GOLGA7: variants seen among roughly 807,000 people sequenced by gnomAD.
GOLGA7 encodes the protein golgin A7.
GOLGA7 carries 10 observed loss-of-function variants against 21.1 expected under a neutral mutation model. The observed-to-expected ratio is 0.47, with a 90% confidence interval of 0.29 to 0.80. GOLGA7 has a LOEUF of 0.80. Ranked by LOEUF, GOLGA7 falls within the 30% of genes least tolerant of loss-of-function variation. The pLI, the probability that GOLGA7 is intolerant of heterozygous loss-of-function variation, is 0.08. For missense variants in GOLGA7, 114 were observed against 166.8 expected, an observed-to-expected ratio of 0.68 and a Z score of 1.74; for synonymous variants, 64 against 62.6, an observed-to-expected ratio of 1.02 and a Z score of -0.10.
intron 2 of GOLGA7, 142 bp downstream of exon 2, chr8:41,497,803 G>A (rs1232177495): frequency 3.5e-6 from 2 of 572,750 alleles, no homozygotes; most frequent in Non-Finnish European, 6.3e-6. Context: ...CCTGTGTACA[G>A]AGGCACATAG....
chr8:41,496,622 C>A (rs1806019763), intron 1 of GOLGA7, among the ~76,000 whole-genome samples: 1 of 151,646 alleles, frequency 6.6e-6, no homozygotes, highest in Non-Finnish European at 1.5e-5. Context: ...GAATATAGAA[C>A]CTACGCCTTT....
intron 2 of GOLGA7, among the ~76,000 whole-genome samples, chr8:41,504,436 A>G (rs1401929737): frequency 2.0e-5 from 3 of 152,170 alleles, no homozygotes; most frequent in Non-Finnish European, 2.9e-5. Context: ...ACTTCCTTCT[A>G]TTCATTATTT....
intron 1 of GOLGA7, among the ~76,000 whole-genome samples, chr8:41,494,543 C>T (rs1054402723): frequency 3.3e-5 from 5 of 152,114 alleles, no homozygotes; most frequent in African/African-American, 4.8e-5. Context: ...ATTAGGTGAA[C>T]GTAACAGCTT....
intron 1 of GOLGA7, among the ~76,000 whole-genome samples, chr8:41,491,392 T>C (rs1158316642): frequency 6.6e-6 from 1 of 152,216 alleles, no homozygotes; most frequent in African/African-American, 2.4e-5. Flanking sequence ...TGACTGGTGT[T>C]TGCTGCCTCT....
intron 2 of GOLGA7, among the ~76,000 whole-genome samples, chr8:41,504,803 A>G (rs1806244127): frequency 6.6e-6 from 1 of 152,246 alleles, no homozygotes; most frequent in Non-Finnish European, 1.5e-5. Flanking sequence ...ATCAGTTTAT[A>G]CCAAAGCATC....
intron 3 of GOLGA7, among the ~76,000 whole-genome samples, chr8:41,506,223 G>C (rs17598698): frequency 0.1 from 15,297 of 151,952 alleles, 961 homozygotes; most frequent in Non-Finnish European, 0.14. Context: ...GGTCTCTGTG[G>C]TTTGTTTACT....
Position 41,509,664 on chromosome 8 carries a change from T to G in GOLGA7, c.*96T>G, listed in dbSNP as rs922465728. On this transcript the variant is annotated 3_prime_UTR_variant, in exon 5 of 5. Transcript: ENST00000357743. ...TACCTCCTCTCCAGAGCATCATTCC[T>G]TTCTATCTGCTGCCAGAGCCACGGT... is the stretch of plus-strand genomic sequence containing the variant. The G allele has an allele frequency of 1.3e-5, 2 of 152,780 alleles. No individual in the cohort carries two copies. Among genetic ancestry groups the G allele is most frequent in the African/African-American group, 4.8e-5 (2 of 41,572 alleles). The allele number at this position is 152,780 out of a possible 1,614,324, so 9.5% of individuals were successfully genotyped here. A position where few individuals can be genotyped will look rare whatever the true frequency, so the allele number is the denominator to read the frequency against.
chr8:41,510,389 G>A lies in GOLGA7; in HGVS notation c.*821G>A, dbSNP rs1806393834. 3.3e-5 allele frequency: 5 copies of A among 152,588 alleles called. No homozygotes were observed. The South Asian group carries it at 1.0e-3, about 32-fold the overall frequency. The allele number at this position is 152,588 out of a possible 1,614,324, so 9.5% of individuals were successfully genotyped here. On this transcript the variant is annotated 3_prime_UTR_variant, in exon 5 of 5. Transcript: ENST00000357743. The stretch of plus-strand genomic sequence containing the variant: ...ATGTTCCCGCTGTGTCCCTGGATAT[G>A]GAATAAGCAGGTATAAAAAATATTT...
intron 2 of GOLGA7, among the ~76,000 whole-genome samples, 158 bp downstream of exon 2, chr8:41,497,819 A>AGTCTTTCAAAACAGGTTGCAGTTG (rs1806057991): frequency 6.6e-6 from 1 of 152,204 alleles, no homozygotes; most frequent in Non-Finnish European, 1.5e-5. Flanking sequence ...CATAGTCCTG[A>AGTCTTTCAAAACAGGTTGCAGTTG]GTCTTTCAAA....
chr8:41,498,464 C>T (rs1806073500), intron 2 of GOLGA7, among the ~76,000 whole-genome samples: 1 of 152,160 alleles, frequency 6.6e-6, no homozygotes, highest in Non-Finnish European at 1.5e-5. Flanking sequence ...CGCTACCTCC[C>T]ATTCCTTCCT....
At chr8:41,495,873 A>C (rs1437201040) in intron 1 of GOLGA7, among the ~76,000 whole-genome samples, 1 of 152,202 alleles carries the variant, frequency 6.6e-6, no homozygotes, top group Admixed American at 6.5e-5. Flanking sequence ...TGTTATACAA[A>C]GTACTATTAG....
In GOLGA7 at chr8:41,492,204, T is replaced by C. The variant is rs552491816; in HGVS notation, c.111+1239T>C. Among the ~76,000 whole-genome samples the C allele has an allele frequency of 3.9e-5, 6 of 152,356 alleles. No homozygotes were observed. In the South Asian group the frequency reaches 1.2e-3, roughly 32 times the overall value. ...GAAATGCCATTTAAATGCTGCAGTA[T>C]GTTGTCAACTATGTTATGAGTTAAC... On this transcript the variant is annotated intron_variant, in intron 1 of 4. Transcript: ENST00000357743.
rs1806400156 is a variant in GOLGA7, at chr8:41,510,629, T to A, written c.*1061T>A. On this transcript the variant is annotated 3_prime_UTR_variant, in exon 5 of 5. Transcript: ENST00000357743. Reference sequence around the variant, plus strand: ...TCAAGTCTGAGTCCATATTTGTAGCTCTGCTTTTGGCTGTACGTTCCTAGG... The same window carrying A: ...TCAAGTCTGAGTCCATATTTGTAGCACTGCTTTTGGCTGTACGTTCCTAGG... 1 of 152,650 alleles carries A rather than the reference T, an allele frequency of 6.6e-6. No individual in the cohort carries two copies. Among genetic ancestry groups the A allele is most frequent in the Non-Finnish European group, 1.5e-5 (1 of 68,060 alleles). 9.5% of individuals were successfully genotyped at this position (152,650 alleles called of 1,614,324 possible). A position where few individuals can be genotyped will look rare whatever the true frequency, so the allele number is the denominator to read the frequency against.
In GOLGA7 at chr8:41,491,532, G is replaced by A. The variant is rs538804849; in HGVS notation, c.111+567G>A. Among the ~76,000 whole-genome samples the A allele has an allele frequency of 6.6e-4, 101 of 152,214 alleles. 1 individual carries two copies. Among genetic ancestry groups the A allele is most frequent in the Admixed American group, 1.9e-3 (29 of 15,276 alleles). On this transcript the variant is annotated intron_variant, in intron 1 of 4. Transcript: ENST00000357743. ...GGACAGGAAAATGTCTCAGAACAAG[G>A]CCTTAAACTTGTCACATTCACTGGG...
intron 1 of GOLGA7, 36 bp downstream of exon 1, chr8:41,491,001 G>C: frequency 8.3e-7 from 1 of 1,208,048 alleles, no homozygotes; most frequent in East Asian, 2.5e-5. Flanking sequence ...GCTCTGGCGA[G>C]GGAGAGAGAC....
At chr8:41,494,974 G>A (rs977890336) in intron 1 of GOLGA7, among the ~76,000 whole-genome samples, 1 of 151,916 alleles carries the variant, frequency 6.6e-6, no homozygotes, top group Non-Finnish European at 1.5e-5. Flanking sequence ...GGGAGGCCAG[G>A]GGGGTGGATC....
At position 41,490,666 on chromosome 8, in the gene GOLGA7, G is replaced by A; in HGVS notation, c.-189G>A. 1 of 549,558 alleles carries A rather than the reference G, an allele frequency of 1.8e-6. No homozygotes were observed. The highest frequency in any genetic ancestry group is 3.2e-6 in the Non-Finnish European group (1 of 310,974). The allele number at this position is 549,558 out of a possible 1,614,324, so 34.0% of individuals were successfully genotyped here. A position where few individuals can be genotyped will look rare whatever the true frequency, so the allele number is the denominator to read the frequency against. ...GGGTTGTGGGGGGCGCGGGGCCTGG[G>A]CCAGGCGGCAGCTAAGGCCCGCGGT... is the stretch of plus-strand genomic sequence containing the variant. On this transcript the variant is annotated 5_prime_UTR_variant, in exon 1 of 5. Transcript: ENST00000357743.
rs1375867330 is a variant in GOLGA7 at position 41,505,898 on chromosome 8, T to G, written c.265-13T>G. Reference sequence around the variant, plus strand: ...TGAAGTTTGTAAGAAGCTGTGGTGTTTCTTTCTGTCAGGTTCTGAAGAAAG... The same window carrying G: ...TGAAGTTTGTAAGAAGCTGTGGTGTGTCTTTCTGTCAGGTTCTGAAGAAAG... On this transcript the variant is annotated splice_polypyrimidine_tract_variant and intron_variant, in intron 2 of 4. Coordinates refer to ENST00000357743, the MANE Select transcript of GOLGA7 (RefSeq NM_001002296.2). The G allele has an allele frequency of 3.6e-6, 5 of 1,395,978 alleles. No individual in the cohort carries two copies. The highest frequency in any genetic ancestry group is 2.3e-5 in the East Asian group (1 of 43,420). The allele number at this position is 1,395,978 out of a possible 1,614,324, so 86.5% of individuals were successfully genotyped here.
At chr8:41,491,236 C>T (rs1471308908) in intron 1 of GOLGA7, among the ~76,000 whole-genome samples, 1 of 152,168 alleles carries the variant, frequency 6.6e-6, no homozygotes. Flanking sequence ...GCAGTGTTCC[C>T]CTGCTGCACT....
Sources: gnomAD v4.1 joint callset for allele counts (sites outside exome capture counted in the v4.1 genomes callset) on GRCh38, gnomAD v4.1.1 for gene constraint, MANE v1.5 for transcripts, NCBI Gene and HGNC (gene_info 2026-07-23, HGNC 2026-07-21) for gene names.